Variants in DNM3 observed in about 807,000 individuals in gnomAD.
DNM3 encodes the protein dynamin 3, also known as dynamin-3.
In DNM3, 47 loss-of-function variants were observed where a neutral mutation model predicts 101.6. The observed-to-expected ratio is 0.46, with a 90% CI of 0.37 to 0.59. The LOEUF is 0.59. Among genes scored for constraint, DNM3 ranks in the 20% least tolerant of loss-of-function variants. The pLI is 0.00. For missense variants in DNM3, 849 were observed against 1,085.7 expected (o/e 0.78, Z 3.06); for synonymous variants, 385 against 387.9 (o/e 0.99, Z 0.09).
intron 13 of DNM3, among the ~76,000 whole-genome samples, chr1:172,111,380 G>A (rs1484635618): frequency 6.6e-6 from 1 of 152,214 alleles, no homozygotes; most frequent in East Asian, 1.9e-4. Flanking sequence ...TATTCCAAAG[G>A]AGTATAAAGC....
At chr1:172,196,920 C>T in intron 14 of DNM3, among the ~76,000 whole-genome samples, 1 of 152,068 alleles carries the variant, frequency 6.6e-6, no homozygotes, top group Non-Finnish European at 1.5e-5. Context: ...AATTAGATCC[C>T]ACTTGTCAAT....
chr1:172,005,295 C>T (rs1305975194), intron 4 of DNM3, among the ~76,000 whole-genome samples: 7 of 151,932 alleles, frequency 4.6e-5, no homozygotes, highest in Admixed American at 6.6e-5. Flanking sequence ...AAAAGTGTTA[C>T]GTAAAAATAA....
intron 15 of DNM3, among the ~76,000 whole-genome samples, chr1:172,284,445 C>T (rs2757506): frequency 0.061 from 9,299 of 152,162 alleles, 359 homozygotes; most frequent in African/African-American, 0.099. Context: ...AATCCATTTA[C>T]CATCCTTTTT....
intron 1 of DNM3, among the ~76,000 whole-genome samples, chr1:171,877,378 A>G (rs1258755714): frequency 6.6e-6 from 1 of 152,216 alleles, no homozygotes; most frequent in Non-Finnish European, 1.5e-5. Flanking sequence ...TCTCATTTAA[A>G]TGTTTTGCAA....
At position 172,408,842 on chromosome 1, in the gene DNM3, A is replaced by T; in HGVS notation, c.*1001A>T. ...ACAGGCTCAGTGTAACTGTATATCC[A>T]TTCTAGGCTTTCTTAATAAATCTTG... On this transcript the variant is annotated 3_prime_UTR_variant, in exon 21 of 21. Coordinates refer to ENST00000627582, the MANE Select transcript of DNM3 (RefSeq NM_015569.5). The T allele has an allele frequency of 1.0e-6, 1 of 985,274 alleles. No homozygotes were observed. The highest frequency in any genetic ancestry group is 6.2e-5 in the Admixed American group (1 of 16,244). The allele number at this position is 985,274 out of a possible 1,614,324, so 61.0% of individuals were successfully genotyped here.
intron 2 of DNM3, among the ~76,000 whole-genome samples, chr1:171,984,790 A>T (rs566542398): frequency 6.6e-6 from 1 of 152,348 alleles, no homozygotes; most frequent in East Asian, 1.9e-4. Flanking sequence ...ATCTCAATAA[A>T]TATTAATCAA....
chr1:172,211,112 T>A (rs1189955481), intron 14 of DNM3, among the ~76,000 whole-genome samples: 1 of 152,112 alleles, frequency 6.6e-6, no homozygotes, highest in Admixed American at 6.6e-5. Flanking sequence ...GATTTCAGTA[T>A]CTCAGGTAGG....
Position 172,408,966 on chromosome 1 carries a change from A to G in DNM3, c.*1125A>G, listed in dbSNP as rs1030572352. The stretch of plus-strand genomic sequence containing the variant: ...GAGCTCACACTTTTACAGTTGCAGT[A>G]TTTCAAAGTCCCTATCCAGGTCACT... On this transcript the variant is annotated 3_prime_UTR_variant, in exon 21 of 21. Transcript: ENST00000627582. 2 of 985,368 alleles carry G rather than the reference A, an allele frequency of 2.0e-6. No homozygotes were observed. The highest frequency in any genetic ancestry group is 2.4e-6 in the Non-Finnish European group (2 of 829,878). 61.0% of individuals were successfully genotyped at this position (985,368 alleles called of 1,614,324 possible).
chr1:172,182,313 A>C (rs1232153203), intron 14 of DNM3, among the ~76,000 whole-genome samples: 2 of 152,074 alleles, frequency 1.3e-5, no homozygotes, highest in Non-Finnish European at 2.9e-5. Flanking sequence ...GTTTGTGTGC[A>C]TGAAATTAAT....
At chr1:172,022,488 C>T (rs1455571945) in intron 4 of DNM3, among the ~76,000 whole-genome samples, 1 of 152,012 alleles carries the variant, frequency 6.6e-6, no homozygotes, top group Non-Finnish European at 1.5e-5. Context: ...AAGTATAGAT[C>T]TAGCTTCCTT....
At chr1:172,140,441 T>G (rs2057509246) in intron 14 of DNM3, 1 of 151,940 alleles carries the variant, frequency 6.6e-6, no homozygotes, top group South Asian at 2.1e-4. Context: ...GTTGCTGCAT[T>G]CAGTGCAACA....
At chr1:171,853,078 A>G (rs1440932212) in intron 1 of DNM3, among the ~76,000 whole-genome samples, 1 of 152,136 alleles carries the variant, frequency 6.6e-6, no homozygotes. Context: ...CTGTCATTGT[A>G]TGGATGTAAA....
intron 14 of DNM3, among the ~76,000 whole-genome samples, chr1:172,188,950 A>G (rs2059613719): frequency 6.9e-6 from 1 of 144,684 alleles, no homozygotes; most frequent in Non-Finnish European, 1.5e-5. Context: ...AAGTTCCCCT[A>G]GATTTTCTCC....
chr1:172,010,479 T>C (rs1029722540), intron 4 of DNM3, among the ~76,000 whole-genome samples: 1 of 151,108 alleles, frequency 6.6e-6, no homozygotes, highest in Non-Finnish European at 1.5e-5. Context: ...TAGGTGATAA[T>C]CTTTTTTTTT....
chr1:172,198,373 T>C (rs1043200194), intron 14 of DNM3, among the ~76,000 whole-genome samples: 3 of 152,094 alleles, frequency 2.0e-5, no homozygotes, highest in African/African-American at 7.2e-5. Flanking sequence ...GACCTGAAGT[T>C]TTCTTTTTTT....
intron 1 of DNM3, among the ~76,000 whole-genome samples, chr1:171,843,323 C>G (rs2031562009): frequency 6.6e-6 from 1 of 152,014 alleles, no homozygotes; most frequent in Admixed American, 6.5e-5. Context: ...AAGCATTTTG[C>G]CTACGTCATC....
chr1:172,196,478 A>G (rs2059952905), intron 14 of DNM3, among the ~76,000 whole-genome samples: 1 of 151,994 alleles, frequency 6.6e-6, no homozygotes, highest in African/African-American at 2.4e-5. Context: ...TTGAGGAATC[A>G]CCATACTGCT....
At chr1:172,344,670 GC>G (rs2066850454) in intron 17 of DNM3, among the ~76,000 whole-genome samples, 1 of 152,134 alleles carries the variant, frequency 6.6e-6, no homozygotes, top group Admixed American at 6.6e-5. Context: ...AACTGATGGC[GC>G]CAGCGGCTGA....
intron 14 of DNM3, among the ~76,000 whole-genome samples, chr1:172,229,532 C>A (rs1347319575): frequency 6.6e-6 from 1 of 152,080 alleles, no homozygotes; most frequent in Non-Finnish European, 1.5e-5. Context: ...CTTTTTCCCA[C>A]TCTACATATG....
Sources: allele counts gnomAD v4.1 joint callset (sites outside exome capture counted in the v4.1 genomes callset), GRCh38; gene constraint gnomAD v4.1.1; transcripts MANE v1.5; gene names NCBI Gene and HGNC (gene_info 2026-07-23, HGNC 2026-07-21).